Variants in MON2 observed in about 807,000 individuals in gnomAD.
MON2 encodes the protein MON2 regulator of endosome-to-Golgi trafficking.
Under a neutral mutation model 208.6 loss-of-function variants are expected in MON2, and 84 were observed. That is an observed-to-expected ratio of 0.40 (90% CI 0.34 to 0.48). The LOEUF (loss-of-function observed/expected upper bound fraction) is 0.48, where lower values mean the gene tolerates loss of function less well. Ranked by LOEUF, MON2 falls within the 20% of genes least tolerant of loss-of-function variation. The pLI is 0.59. For synonymous variants in MON2, 660 were observed against 694.0 expected, an observed-to-expected ratio of 0.95 and a Z score of 0.77; for missense variants, 1,611 against 2,015.4, an observed-to-expected ratio of 0.80 and a Z score of 3.84.
chr12:62,568,829 T>G (rs2074481776), intron 29 of MON2, among the ~76,000 whole-genome samples: 1 of 152,032 alleles, frequency 6.6e-6, no homozygotes, highest in Non-Finnish European at 1.5e-5. Context: ...ATTTTTGTAT[T>G]TTTAGTAGAG....
In MON2 at chr12:62,596,799, G is replaced by A. The variant is rs2075535955; in HGVS notation, c.*4050G>A. On this transcript the variant is annotated 3_prime_UTR_variant, in exon 35 of 35. Transcript: ENST00000393630. ...TGAATGAAAAGTGTTTATAGATTCAGAAAGAGAGATGATATCTTTGTATCT... is the reference window on the plus strand; with the variant it reads ...TGAATGAAAAGTGTTTATAGATTCAAAAAGAGAGATGATATCTTTGTATCT... The A allele has an allele frequency of 6.6e-6, 1 of 152,186 alleles. No homozygotes were observed. The highest frequency in any genetic ancestry group is 2.4e-5 in the African/African-American group (1 of 41,446). The allele number at this position is 152,186 out of a possible 1,614,324, so 9.4% of individuals were successfully genotyped here.
At chr12:62,497,500 A>T (rs937905674) in intron 4 of MON2, among the ~76,000 whole-genome samples, 2 of 152,236 alleles carry the variant, frequency 1.3e-5, no homozygotes, top group African/African-American at 4.8e-5. Flanking sequence ...AATAGTTACG[A>T]TGAAAAAAGA....
At chr12:62,531,687 T>C (rs1358220486) in intron 11 of MON2, among the ~76,000 whole-genome samples, 1 of 152,202 alleles carries the variant, frequency 6.6e-6, no homozygotes, top group Non-Finnish European at 1.5e-5. Context: ...TTTGAAATGA[T>C]AGGTGAGCTG....
chr12:62,501,489 A>AT (rs890697495), intron 6 of MON2, 84 bp from the exon 7 acceptor site: 281 of 1,497,006 alleles, frequency 1.9e-4, no homozygotes, highest in Non-Finnish European at 2.2e-4. Context: ...AAGAAGATAG[A>AT]TTTTTTTTAA....
chr12:62,555,500 C>G (rs946400857), intron 24 of MON2, among the ~76,000 whole-genome samples: 1 of 151,856 alleles, frequency 6.6e-6, no homozygotes, highest in Non-Finnish European at 1.5e-5. Flanking sequence ...TTTTATATTC[C>G]ATGATAAACT....
chr12:62,493,090 CTT>C (rs1292368877), intron 2 of MON2, among the ~76,000 whole-genome samples: 3 of 152,154 alleles, frequency 2.0e-5, no homozygotes, highest in South Asian at 4.1e-4. Flanking sequence ...TTAATGTTCT[CTT>C]GACTTGGAAT....
intron 32 of MON2, among the ~76,000 whole-genome samples, chr12:62,583,686 T>C (rs2075085116): frequency 6.6e-6 from 1 of 151,600 alleles, no homozygotes; most frequent in African/African-American, 2.4e-5. Flanking sequence ...CAGTGGCTCA[T>C]GCCTGTAATC....
At chr12:62,477,204 C>G (rs1165855719) in intron 1 of MON2, among the ~76,000 whole-genome samples, 1 of 151,916 alleles carries the variant, frequency 6.6e-6, no homozygotes, top group Non-Finnish European at 1.5e-5. Context: ...AAAACAAAAC[C>G]AAGCAGAACA....
intron 32 of MON2, among the ~76,000 whole-genome samples, chr12:62,582,121 A>G (rs1198731348): frequency 6.6e-6 from 1 of 152,206 alleles, no homozygotes; most frequent in Non-Finnish European, 1.5e-5. Context: ...ACTTTTTATT[A>G]TTAAGAGTAT....
chr12:62,477,072 C>G (rs2069127389), intron 1 of MON2, among the ~76,000 whole-genome samples: 1 of 152,028 alleles, frequency 6.6e-6, no homozygotes, highest in Non-Finnish European at 1.5e-5. Context: ...ATTGGTTGAG[C>G]CCAGGAATTC....
intron 23 of MON2, among the ~76,000 whole-genome samples, chr12:62,552,306 A>AT (rs1317224649): frequency 5.9e-5 from 9 of 152,130 alleles, no homozygotes; most frequent in Non-Finnish European, 1.5e-5. Context: ...TGCATATATG[A>AT]TTGCAAGTGG....
intron 10 of MON2, 149 bp downstream of exon 10, chr12:62,525,369 C>T (rs983196003): frequency 2.7e-6 from 2 of 730,158 alleles, no homozygotes; most frequent in Non-Finnish European, 4.4e-6. Flanking sequence ...AAAGAATAAT[C>T]TGATCTCAAT....
chr12:62,525,905 T>C, intron 10 of MON2, 44 bp from the exon 11 acceptor site: 1 of 1,579,098 alleles, frequency 6.3e-7, no homozygotes, highest in Non-Finnish European at 8.6e-7. Flanking sequence ...TGTAGTCAAG[T>C]AGTAAATTAG....
chr12:62,583,967 A>C (rs1424565403), intron 32 of MON2, among the ~76,000 whole-genome samples: 1 of 148,320 alleles, frequency 6.7e-6, no homozygotes, highest in African/African-American at 2.5e-5. Flanking sequence ...TCTCAAAAAA[A>C]AAAAAAACAA....
intron 1 of MON2, among the ~76,000 whole-genome samples, chr12:62,471,541 G>A (rs961847428): frequency 6.6e-6 from 1 of 152,164 alleles, no homozygotes; most frequent in Non-Finnish European, 1.5e-5. Flanking sequence ...ACCAGTAGGT[G>A]TTTGAAAATG....
At position 62,535,618 on chromosome 12, in the gene MON2, C is replaced by G; in HGVS notation, c.1809C>G (p.Ala603=). The G allele has an allele frequency of 6.2e-7, 1 of 1,613,642 alleles. No homozygotes were observed. The highest frequency in any genetic ancestry group is 8.5e-7 in the Non-Finnish European group (1 of 1,179,718). Residue 603 remains alanine, a synonymous_variant, in exon 14 of 35, where the codon GCC becomes GCG. Coordinates refer to ENST00000393630, the MANE Select transcript of MON2 (RefSeq NM_015026.3). ...TGGGCCTTGTAACTTCAAGAGATGC[C>G]TTTATAACTGCAATATGCAAAGGTT... is the stretch of plus-strand genomic sequence containing the variant. ...GRLGLVTSRD[A]FITAICKGSL...
At chr12:62,562,453 T>C (rs1011512457) in intron 26 of MON2, among the ~76,000 whole-genome samples, 2 of 151,976 alleles carry the variant, frequency 1.3e-5, no homozygotes, top group African/African-American at 4.8e-5. Flanking sequence ...TTTGGAAGGG[T>C]TATTGTTGTT....
intron 32 of MON2, among the ~76,000 whole-genome samples, chr12:62,581,813 G>A (rs1022041893): frequency 6.6e-6 from 1 of 152,174 alleles, no homozygotes; most frequent in Non-Finnish European, 1.5e-5. Flanking sequence ...CTGGGCGACA[G>A]AGCGAGACTG....
intron 26 of MON2, among the ~76,000 whole-genome samples, chr12:62,562,673 T>G (rs189574561): frequency 1.1e-3 from 175 of 152,294 alleles, no homozygotes; most frequent in African/African-American, 4.1e-3. Flanking sequence ...CCAAATTTAC[T>G]TGCTTTTGGA....
Sources: gnomAD v4.1 joint callset for allele counts (sites outside exome capture counted in the v4.1 genomes callset) on GRCh38, gnomAD v4.1.1 for gene constraint, MANE v1.5 for transcripts, NCBI Gene and HGNC (gene_info 2026-07-23, HGNC 2026-07-21) for gene names.